The following SLC24A3 variants were observed in gnomAD, a reference collection of about 807,000 sequenced individuals.
The protein encoded by SLC24A3 is sodium/potassium/calcium exchanger 3.
Under a neutral mutation model 75.8 loss-of-function variants are expected in SLC24A3, and 28 were observed. That is an observed-to-expected ratio of 0.37 (90% confidence interval 0.27 to 0.51). The LOEUF (loss-of-function observed/expected upper bound fraction) is 0.51, where lower values mean the gene tolerates loss of function less well. Ranked by LOEUF, SLC24A3 falls within the 20% of genes least tolerant of loss-of-function variation. SLC24A3 has a pLI of 0.94. For missense variants in SLC24A3, 663 were observed against 847.8 expected (o/e 0.78, Z 2.71); for synonymous variants, 372 against 334.1 (o/e 1.11, Z -1.24).
intron 3 of SLC24A3, 134 bp from the exon 4 acceptor site, chr20:19,579,866 T>G: frequency 1.5e-6 from 1 of 659,122 alleles, no homozygotes; most frequent in Non-Finnish European, 2.7e-6. Context: ...GTTGTGGGCA[T>G]TGGAAAGACT....
At chr20:19,704,511 A>C (rs1020777511) in intron 15 of SLC24A3, among the ~76,000 whole-genome samples, 4 of 152,202 alleles carry the variant, frequency 2.6e-5, no homozygotes, top group Non-Finnish European at 4.4e-5. Context: ...TAGAGTATAC[A>C]TTGAGTGGGG....
At chr20:19,619,947 G>A (rs1317790906) in intron 6 of SLC24A3, among the ~76,000 whole-genome samples, 1 of 152,110 alleles carries the variant, frequency 6.6e-6, no homozygotes, top group African/African-American at 2.4e-5. Flanking sequence ...GATACCTATG[G>A]TTTTAAGATA....
At chr20:19,453,900 C>T (rs949290456) in intron 2 of SLC24A3, among the ~76,000 whole-genome samples, 14 of 152,156 alleles carry the variant, frequency 9.2e-5, no homozygotes, top group African/African-American at 3.4e-4. Flanking sequence ...GCCCAGGCTG[C>T]CTCAAAAAAG....
intron 3 of SLC24A3, among the ~76,000 whole-genome samples, chr20:19,552,365 G>A (rs981256730): frequency 1.3e-5 from 2 of 152,136 alleles, no homozygotes; most frequent in Non-Finnish European, 2.9e-5. Flanking sequence ...CTACACAGCC[G>A]CCCAGCAACT....
At chr20:19,587,989 G>C (rs1354117348) in intron 6 of SLC24A3, among the ~76,000 whole-genome samples, 1 of 152,192 alleles carries the variant, frequency 6.6e-6, no homozygotes, top group African/African-American at 2.4e-5. Context: ...ACAGTCAAGG[G>C]TGTCCACAGC....
At chr20:19,679,397 G>A (rs892120453) in intron 9 of SLC24A3, among the ~76,000 whole-genome samples, 11 of 152,252 alleles carry the variant, frequency 7.2e-5, no homozygotes, top group East Asian at 3.8e-4. Context: ...CAGGCACTCC[G>A]CAGGCTGAGG....
intron 2 of SLC24A3, among the ~76,000 whole-genome samples, chr20:19,338,419 A>G (rs1985188066): frequency 1.3e-5 from 2 of 152,138 alleles, no homozygotes; most frequent in African/African-American, 4.8e-5. Context: ...AGGAGCCCTC[A>G]TGTCCTCCAC....
At chr20:19,321,816 A>T (rs1984713212) in intron 2 of SLC24A3, among the ~76,000 whole-genome samples, 1 of 152,116 alleles carries the variant, frequency 6.6e-6, no homozygotes, top group Non-Finnish European at 1.5e-5. Context: ...TCATCTCCAA[A>T]AGTCTTCTAT....
intron 2 of SLC24A3, among the ~76,000 whole-genome samples, chr20:19,312,924 G>A (rs555969182): frequency 3.9e-4 from 59 of 149,776 alleles, no homozygotes; most frequent in African/African-American, 1.4e-3. Context: ...CCTGGCCATT[G>A]TATTGTAAAG....
At position 19,693,346 on chromosome 20, in the gene SLC24A3, G is replaced by T. The variant is rs745976929; in HGVS notation, c.1412G>T (p.Arg471Leu). The T allele has an allele frequency of 1.9e-6, 3 of 1,614,110 alleles. No individual in the cohort carries two copies. The highest frequency in any genetic ancestry group is 1.7e-5 in the Admixed American group (1 of 60,014). Reference protein sequence around the residue: ...YFTVPNCNKPRWEKWFMVTFA... With the variant: ...YFTVPNCNKPLWEKWFMVTFA... ...ACTGTACCCAACTGCAACAAGCCGC[G>T]CTGGGAGAAATGGTTCATGGTGACG... is the stretch of plus-strand genomic sequence containing the variant. Residue 471 changes from arginine to leucine, a missense_variant, in exon 13 of 17, where the codon CGC becomes CTC. Around this residue, in one of 2 missense-constraint regions of SLC24A3, gnomAD observed 510 missense variants for 703.6 expected, o/e 0.72. Coordinates refer to ENST00000328041, the MANE Select transcript of SLC24A3 (RefSeq NM_020689.4).
intron 2 of SLC24A3, among the ~76,000 whole-genome samples, chr20:19,375,355 C>G (rs1485849924): frequency 6.6e-6 from 1 of 152,172 alleles, no homozygotes. Flanking sequence ...CTTTCTTTTA[C>G]TCTGGGAGAA....
intron 3 of SLC24A3, among the ~76,000 whole-genome samples, chr20:19,558,561 A>G (rs929372162): frequency 2.0e-5 from 3 of 152,140 alleles, no homozygotes; most frequent in Admixed American, 1.3e-4. Flanking sequence ...CCTCCTCTCC[A>G]TGTCAGATCC....
intron 1 of SLC24A3, among the ~76,000 whole-genome samples, chr20:19,235,702 G>A (rs1568564644): frequency 1.3e-5 from 2 of 152,238 alleles, no homozygotes; most frequent in African/African-American, 2.4e-5. Context: ...CTGTTCCAGC[G>A]CATCACATGG....
chr20:19,242,444 T>G (rs1278203800), intron 1 of SLC24A3: 2 of 152,196 alleles, frequency 1.3e-5, no homozygotes, highest in Non-Finnish European at 2.9e-5. Context: ...AGGAAGCAAT[T>G]CTTTACTCTT....
At chr20:19,466,296 T>C (rs953011052) in intron 2 of SLC24A3, among the ~76,000 whole-genome samples, 2 of 152,224 alleles carry the variant, frequency 1.3e-5, no homozygotes, top group Non-Finnish European at 2.9e-5. Flanking sequence ...CAGGAAAGGA[T>C]GCTGCAGACC....
chr20:19,383,719 G>A (rs1261630482), intron 2 of SLC24A3, among the ~76,000 whole-genome samples: 2 of 152,178 alleles, frequency 1.3e-5, no homozygotes, highest in African/African-American at 4.8e-5. Flanking sequence ...TCACAGTTCT[G>A]GAGTCTGAGA....
chr20:19,653,836 A>G (rs751516408), intron 6 of SLC24A3, among the ~76,000 whole-genome samples: 3 of 152,144 alleles, frequency 2.0e-5, no homozygotes, highest in Admixed American at 6.5e-5. Context: ...TTCTATCACC[A>G]GTTGTTTCCC....
At chr20:19,533,104 C>A (rs78588689) in intron 3 of SLC24A3, among the ~76,000 whole-genome samples, 1 of 152,204 alleles carries the variant, frequency 6.6e-6, no homozygotes, top group Non-Finnish European at 1.5e-5. Context: ...GTTATCAGTC[C>A]TGGGTCTATC....
chr20:19,248,125 A>AAAAAC (rs935541773), intron 1 of SLC24A3, among the ~76,000 whole-genome samples: 3 of 152,332 alleles, frequency 2.0e-5, no homozygotes, highest in South Asian at 2.1e-4. Context: ...AAAAATAGAA[A>AAAAAC]AAAACAAAAC....
Sources: allele counts gnomAD v4.1 joint callset (sites outside exome capture counted in the v4.1 genomes callset), GRCh38; gene constraint gnomAD v4.1.1; regional missense constraint gnomAD v4.1.1; transcripts MANE v1.5; gene names NCBI Gene and HGNC (gene_info 2026-07-23, HGNC 2026-07-21).